Variants in C14orf39 observed in about 807,000 individuals in gnomAD.
C14orf39 encodes the protein protein SIX6OS1.
A neutral mutation model predicts 85.6 loss-of-function variants in C14orf39; 66 were observed. The ratio of observed to expected loss-of-function variants is 0.77; its 90% CI spans 0.63 to 0.95. C14orf39 has a LOEUF of 0.95. Ranked by LOEUF, C14orf39 falls within the 40% of genes least tolerant of loss-of-function variation. The pLI is 0.00. For synonymous variants in C14orf39, 242 were observed against 214.0 expected (o/e 1.13, Z -1.14); for missense variants, 735 against 663.9 (o/e 1.11, Z -1.18).
chr14:60,478,509 C>A lies in C14orf39; in HGVS notation c.234-120G>T, dbSNP rs949350950. ...CGAATCTTTCTCTTCCTGGAGAAAACAAGCTTACATCAAGAAAAGTATTTC... is the reference window on the plus strand; with the variant it reads ...CGAATCTTTCTCTTCCTGGAGAAAAAAAGCTTACATCAAGAAAAGTATTTC... On this transcript the variant is annotated intron_variant, in intron 4 of 17. Coordinates refer to ENST00000321731, the MANE Select transcript of C14orf39 (RefSeq NM_174978.3). The A allele has an allele frequency of 4.1e-6, 2 of 492,102 alleles. 1 individual carries two copies. The highest frequency in any genetic ancestry group is 8.6e-5 in the Admixed American group (2 of 23,126). 30.5% of individuals were successfully genotyped at this position (492,102 alleles called of 1,614,324 possible). A position where few individuals can be genotyped will look rare whatever the true frequency, so the allele number is the denominator to read the frequency against.
intron 4 of C14orf39, among the ~76,000 whole-genome samples, chr14:60,479,978 C>T (rs1489493298): frequency 1.3e-5 from 2 of 152,050 alleles, no homozygotes; most frequent in Non-Finnish European, 2.9e-5. Context: ...TTTCAATGGG[C>T]AAAGGATCTG....
Position 60,504,150 on chromosome 14 carries a change from A to G in C14orf39, c.-143-4720T>C, listed in dbSNP as rs141187301. On this transcript the variant is annotated intron_variant, in intron 1 of 5. Transcript: ENST00000556799. ...GCGGGAGGGAAACAAAATTCCCCTCAGTTGAGAATTGCTGCTTTGAAGGGT... is the reference window on the plus strand; with the variant it reads ...GCGGGAGGGAAACAAAATTCCCCTCGGTTGAGAATTGCTGCTTTGAAGGGT... 1.0e-3 allele frequency among the ~76,000 whole-genome samples: 153 copies of G among 152,368 alleles called. 1 individual carries two copies. The East Asian group carries it at 0.016, about 16-fold the overall frequency.
chr14:60,477,311 T>G (rs1201617650), intron 5 of C14orf39, among the ~76,000 whole-genome samples: 2 of 152,206 alleles, frequency 1.3e-5, no homozygotes, highest in African/African-American at 4.8e-5. Context: ...TACCTTTTCT[T>G]AAGACTTGTC....
chr14:60,468,920 G>A (rs1471277569), intron 8 of C14orf39, among the ~76,000 whole-genome samples: 2 of 151,356 alleles, frequency 1.3e-5, no homozygotes, highest in African/African-American at 2.4e-5. Context: ...TGAAAGATAA[G>A]TATACAGTAT....
In C14orf39 at chr14:60,515,461, G is replaced by C. The variant is rs967247476; in HGVS notation, c.-210C>G. ...CTCGAGCCACTCCTACTGTTGGGCT[G>C]CGTGACTCAGCGGCTCGAGGAGAGA... On this transcript the variant is annotated 5_prime_UTR_variant, in exon 1 of 6. Transcript: ENST00000556799. This position sits in a 1 kb window ranked among gnomAD's most constrained non-coding sequence, Gnocchi z 6.2. 6.6e-6 allele frequency: 1 copy of C among 151,890 alleles called. No homozygotes were observed. Among genetic ancestry groups the C allele is most frequent in the African/African-American group, 2.4e-5 (1 of 41,384 alleles). The allele number at this position is 151,890 out of a possible 1,614,324, so 9.4% of individuals were successfully genotyped here.
intron 17 of C14orf39, among the ~76,000 whole-genome samples, chr14:60,437,562 C>T (rs191306065): frequency 7.9e-5 from 12 of 152,056 alleles, no homozygotes; most frequent in Admixed American, 7.9e-4. Flanking sequence ...ATGATTTGAA[C>T]TGCTTTGTAA....
intron 17 of C14orf39, among the ~76,000 whole-genome samples, chr14:60,440,752 T>A (rs183460994): frequency 9.1e-4 from 139 of 152,310 alleles, no homozygotes; most frequent in African/African-American, 2.9e-3. Context: ...CATCCACCTC[T>A]TGGATTTAAT....
At chr14:60,466,288 T>A (rs553510269) in intron 10 of C14orf39, among the ~76,000 whole-genome samples, 6 of 151,978 alleles carry the variant, frequency 3.9e-5, no homozygotes, top group Non-Finnish European at 7.4e-5. Flanking sequence ...AAACTGTACC[T>A]TTATAATGGG....
intron 2 of C14orf39, chr14:60,499,171 G>C (rs761159726): frequency 6.6e-6 from 1 of 151,926 alleles, no homozygotes; most frequent in African/African-American, 2.4e-5. Context: ...CAGGAGAATC[G>C]CTTGAACCCA....
chr14:60,496,197 C>T, intron 2 of C14orf39: 1 of 430,294 alleles, frequency 2.3e-6, no homozygotes, highest in Non-Finnish European at 4.7e-6. Context: ...AGGAGATTCA[C>T]ATGTTCATCT....
chr14:60,440,353 T>C (rs1364962846), intron 17 of C14orf39, among the ~76,000 whole-genome samples: 1 of 152,210 alleles, frequency 6.6e-6, no homozygotes, highest in Non-Finnish European at 1.5e-5. Context: ...CATATTTCTA[T>C]AAATGGCAAC....
intron 1 of C14orf39, chr14:60,512,686 C>T (rs1179327402): frequency 1.3e-5 from 2 of 152,170 alleles, no homozygotes; most frequent in Non-Finnish European, 2.9e-5. Flanking sequence ...TTAATTTTTC[C>T]TCGTGCACAT....
At chr14:60,498,122 AT>A (rs1893094523) in intron 2 of C14orf39, among the ~76,000 whole-genome samples, 2 of 88,288 alleles carry the variant, frequency 2.3e-5, no homozygotes, top group African/African-American at 6.6e-5. Context: ...CCATGAATTT[AT>A]TGTAATGAAG....
rs564664448 is a variant in C14orf39 at position 60,472,267 on chromosome 14, G to A, written c.324-528C>T. Among the ~76,000 whole-genome samples, 12 of 151,996 alleles carry A rather than the reference G, an allele frequency of 7.9e-5. No individual in the cohort carries two copies. The South Asian group carries it at 1.9e-3, about 24-fold the overall frequency. On this transcript the variant is annotated intron_variant, in intron 5 of 17. Coordinates refer to ENST00000321731, the MANE Select transcript of C14orf39 (RefSeq NM_174978.3). ...TTGTGTTCACCATCAAATGTACCCC[G>A]TAACTATTTTATGAAGAAAATTTTA...
At chr14:60,477,723 T>C (rs1892449531) in intron 5 of C14orf39, among the ~76,000 whole-genome samples, 1 of 152,180 alleles carries the variant, frequency 6.6e-6, no homozygotes, top group Non-Finnish European at 1.5e-5. Flanking sequence ...AGTTCACTCA[T>C]AAAGACCATT....
Position 60,466,853 on chromosome 14 carries a change from C to T in C14orf39, c.895+64G>A. On this transcript the variant is annotated intron_variant, in intron 10 of 17. Transcript: ENST00000321731. ...ACCAAATGATAAATAAAATTGCTTC[C>T]TTCTATTTCTTCTGTGTGTTTGCAA... 3.9e-6 allele frequency: 5 copies of T among 1,272,072 alleles called. No individual in the cohort carries two copies. In the South Asian group the frequency reaches 6.0e-5, roughly 15 times the overall value. 78.8% of individuals were successfully genotyped at this position (1,272,072 alleles called of 1,614,324 possible).
Position 60,456,922 on chromosome 14 carries a change from G to T in C14orf39, c.1353C>A (p.Phe451Leu). ...GTTATTAATTAAAATCCTACATTTC[G>T]AACGGGGGGGTTTTAGGGAATTTTA... ...EKIKFPKTPP[F>L]EINRNRNAVP... The change falls in exon 15 of 18, where the codon TTC (phenylalanine) becomes TTA (leucine). Residue 451 changes from phenylalanine (F) to leucine (L), a missense_variant. Physicochemically the swap from Phe to Leu is conservative, Grantham distance 22 (BLOSUM62 0). Coordinates refer to ENST00000321731, the MANE Select transcript of C14orf39 (RefSeq NM_174978.3). 1 of 1,558,600 alleles carries T rather than the reference G, an allele frequency of 6.4e-7. No individual in the cohort carries two copies. Among genetic ancestry groups the T allele is most frequent in the Non-Finnish European group, 8.6e-7 (1 of 1,158,860 alleles).
At chr14:60,446,953 C>A (rs922699980) in intron 16 of C14orf39, among the ~76,000 whole-genome samples, 1 of 151,968 alleles carries the variant, frequency 6.6e-6, no homozygotes, top group African/African-American at 2.4e-5. Context: ...AAAAACCACA[C>A]GATTATCTCA....
At chr14:60,485,272 A>T (rs1247408838) in intron 1 of C14orf39, among the ~76,000 whole-genome samples, 186 bp from the exon 2 acceptor site, 1 of 152,194 alleles carries the variant, frequency 6.6e-6, no homozygotes, top group Non-Finnish European at 1.5e-5. Flanking sequence ...GCCAAGCCCA[A>T]CGAGCGCTTC....
Sources: allele counts gnomAD v4.1 joint callset (sites outside exome capture counted in the v4.1 genomes callset), GRCh38; gene constraint gnomAD v4.1.1; non-coding constraint Gnocchi (gnomAD v3.1); transcripts MANE v1.5; gene names NCBI Gene and HGNC (gene_info 2026-07-23, HGNC 2026-07-21).